The following ABLIM1 variants were observed in gnomAD, a reference collection of about 807,000 sequenced individuals.
ABLIM1 encodes actin-binding LIM protein 1.
ABLIM1 carries 40 observed loss-of-function variants against 107.0 expected under a neutral mutation model. That is an observed-to-expected ratio of 0.37 (90% CI 0.29 to 0.49). ABLIM1 has a LOEUF of 0.49. ABLIM1 is among the 20% of genes least tolerant of loss of function. The pLI, the probability that ABLIM1 is intolerant of heterozygous loss-of-function variation, is 0.97. For synonymous variants in ABLIM1, 357 were observed against 357.3 expected, an observed-to-expected ratio of 1.00 and a Z score of 0.01; for missense variants, 857 against 1,008.5, an observed-to-expected ratio of 0.85 and a Z score of 2.04.
chr10:114,553,134 G>A (rs2068286138), intron 4 of ABLIM1, among the ~76,000 whole-genome samples: 1 of 152,152 alleles, frequency 6.6e-6, no homozygotes, highest in South Asian at 2.1e-4. Flanking sequence ...CCCCAAAGAT[G>A]TCTTACTCTG....
intron 2 of ABLIM1, among the ~76,000 whole-genome samples, chr10:114,596,868 G>A (rs1232710279): frequency 1.3e-5 from 2 of 151,988 alleles, no homozygotes; most frequent in African/African-American, 4.8e-5. Context: ...TTCTTTCTAG[G>A]GGAAATCAAC....
Position 114,632,575 on chromosome 10 carries a change from G to A in ABLIM1, c.244+25382C>T, listed in dbSNP as rs1304941266. 5 of 985,212 alleles carry A rather than the reference G, an allele frequency of 5.1e-6. No individual in the cohort carries two copies. The East Asian group carries it at 3.4e-4, about 67-fold the overall frequency. The allele number at this position is 985,212 out of a possible 1,614,324, so 61.0% of individuals were successfully genotyped here. On this transcript the variant is annotated intron_variant, in intron 1 of 22. Coordinates refer to ENST00000533213, the MANE Select transcript of ABLIM1 (RefSeq NM_002313.7). ...ATGAATAATGACATTTGGTTTGCAC[G>A]GCTGCTCCCCGCTATAATTTACCTG...
At chr10:114,493,033 T>A (rs186378731) in intron 6 of ABLIM1, among the ~76,000 whole-genome samples, 2 of 152,344 alleles carry the variant, frequency 1.3e-5, no homozygotes, top group East Asian at 3.9e-4. Context: ...GGTGCTCTTG[T>A]CCTCGTCCAC....
chr10:114,445,358 T>C lies in ABLIM1; in HGVS notation c.1781A>G (p.Glu594Gly). The C allele has an allele frequency of 6.2e-7, 1 of 1,613,050 alleles. No individual in the cohort carries two copies. Among genetic ancestry groups the C allele is most frequent in the Non-Finnish European group, 8.5e-7 (1 of 1,179,442 alleles). ...RRSSGREEDDEELLRRRQLQE... is the reference protein window; with the variant it reads ...RRSSGREEDDGELLRRRQLQE... ...AAGCTGCCGACGTCTCAGAAGTTCC[T>C]CATCATCTTCCTCTCTGCCACTAGA... The change falls in exon 16 of 23, where the codon GAG becomes GGG. Residue 594 changes from glutamate to glycine, a missense_variant. Physicochemically the swap from Glu to Gly is moderately conservative, Grantham distance 98. Coordinates refer to ENST00000533213, the MANE Select transcript of ABLIM1 (RefSeq NM_002313.7).
At chr10:114,706,653 C>T (rs2081428273) in intron 1 of ABLIM1, among the ~76,000 whole-genome samples, 1 of 152,178 alleles carries the variant, frequency 6.6e-6, no homozygotes, top group Non-Finnish European at 1.5e-5. Flanking sequence ...AGGCTAAAGA[C>T]GTCCACAGCA....
In ABLIM1 at chr10:114,732,184, T is replaced by TCTTTTTC. The variant is rs200382208; in HGVS notation, c.-213+35876_-213+35877insGAAAAAG. ...ATTTTTCTTTTCTTTTCTTTTCTTTTTTTTTTTTTTTTTTTTTGAGACAGA... is the reference window on the plus strand; with the variant it reads ...ATTTTTCTTTTCTTTTCTTTTCTTTTCTTTTTCTTTTTTTTTTTTTTTTTGAGACAGA... On this transcript the variant is annotated intron_variant, in intron 1 of 15. Transcript: ENST00000651092. Among the ~76,000 whole-genome samples the TCTTTTTC allele has an allele frequency of 6.7e-3, 832 of 124,288 alleles. 13 individuals carry two copies. The highest frequency in any genetic ancestry group is 0.028 in the African/African-American group (768 of 27,726). The allele number at this position is 124,288 out of a possible 152,430, so 81.5% of individuals were successfully genotyped here. A position where few individuals can be genotyped will look rare whatever the true frequency, so the allele number is the denominator to read the frequency against.
At chr10:114,632,095 G>A in intron 1 of ABLIM1, 1 of 985,064 alleles carries the variant, frequency 1.0e-6, no homozygotes, top group South Asian at 4.7e-5. Context: ...GGCGGGCCCC[G>A]CTCCCATGCC....
Position 114,443,318 on chromosome 10 carries a change from C to CT in ABLIM1, c.1933+710dup, listed in dbSNP as rs59039279. 4.0e-4 allele frequency among the ~76,000 whole-genome samples: 58 copies of CT among 146,014 alleles called. 1 individual carries two copies. Among genetic ancestry groups the CT allele is most frequent in the Admixed American group, 1.4e-3 (20 of 14,568 alleles). ...AGTTCTTGTATTGAAGATTTTTTTT[C>CT]TTTTTTTTTTTGAGATGGAGTTTCA... On this transcript the variant is annotated intron_variant, in intron 17 of 22. Coordinates refer to ENST00000533213, the MANE Select transcript of ABLIM1 (RefSeq NM_002313.7).
intron 2 of ABLIM1, among the ~76,000 whole-genome samples, chr10:114,576,661 G>A (rs931317272): frequency 6.6e-6 from 1 of 152,112 alleles, no homozygotes; most frequent in East Asian, 1.9e-4. Flanking sequence ...TCTGATGAAA[G>A]TCACGACTCC....
At chr10:114,652,232 C>G (rs2079282047) in intron 1 of ABLIM1, among the ~76,000 whole-genome samples, 1 of 152,212 alleles carries the variant, frequency 6.6e-6, no homozygotes, top group Admixed American at 6.5e-5. Flanking sequence ...TTTTTGACAA[C>G]AAAGCCATTT....
chr10:114,631,535 T>C (rs1211897909), intron 1 of ABLIM1, among the ~76,000 whole-genome samples: 1 of 152,132 alleles, frequency 6.6e-6, no homozygotes, highest in Non-Finnish European at 1.5e-5. Context: ...TGACACATCT[T>C]AATTAACTTA....
chr10:114,651,807 G>A (rs2079259264), intron 1 of ABLIM1, among the ~76,000 whole-genome samples: 2 of 152,172 alleles, frequency 1.3e-5, no homozygotes, highest in South Asian at 4.1e-4. Context: ...TCCATCCTCA[G>A]GAGAACAAAA....
chr10:114,534,230 T>A (rs1368677378), intron 6 of ABLIM1, among the ~76,000 whole-genome samples: 1 of 152,140 alleles, frequency 6.6e-6, no homozygotes, highest in African/African-American at 2.4e-5. Context: ...AGGGTGCTGC[T>A]CTGGGTCCCT....
intron 1 of ABLIM1, among the ~76,000 whole-genome samples, chr10:114,747,298 T>C (rs2082404656): frequency 6.6e-6 from 1 of 152,222 alleles, no homozygotes; most frequent in Non-Finnish European, 1.5e-5. Context: ...TTGAGGAATC[T>C]GGAGGCAGCT....
At chr10:114,514,129 T>C (rs1300171636) in intron 6 of ABLIM1, among the ~76,000 whole-genome samples, 1 of 152,062 alleles carries the variant, frequency 6.6e-6, no homozygotes, top group South Asian at 2.1e-4. Context: ...GCAAACATAA[T>C]TAAGTGAAAT....
chr10:114,497,481 C>A (rs1177355058), intron 6 of ABLIM1, among the ~76,000 whole-genome samples: 1 of 151,540 alleles, frequency 6.6e-6, no homozygotes, highest in East Asian at 1.9e-4. Context: ...AGATCGAGAC[C>A]ATCCTGGTCA....
chr10:114,439,437 T>C (rs2059891488), intron 20 of ABLIM1, among the ~76,000 whole-genome samples, 187 bp from the exon 21 acceptor site: 2 of 152,250 alleles, frequency 1.3e-5, no homozygotes, highest in Admixed American at 1.3e-4. Flanking sequence ...ACAGCTCTTT[T>C]GCAATCAAGT....
intron 1 of ABLIM1, among the ~76,000 whole-genome samples, chr10:114,651,007 CA>C (rs2079215576): frequency 2.0e-5 from 3 of 152,122 alleles, no homozygotes; most frequent in African/African-American, 7.2e-5. Flanking sequence ...GTCACTTGCC[CA>C]GGTCACAGAA....
intron 1 of ABLIM1, among the ~76,000 whole-genome samples, chr10:114,744,880 A>C (rs808326): frequency 0.057 from 8,631 of 151,880 alleles, 317 homozygotes; most frequent in Middle Eastern, 0.095. Context: ...TCGGGTGTCC[A>C]GTTGCTGGCC....
Sources: allele counts gnomAD v4.1 joint callset (sites outside exome capture counted in the v4.1 genomes callset), GRCh38; gene constraint gnomAD v4.1.1; transcripts MANE v1.5; gene names NCBI Gene and HGNC (gene_info 2026-07-23, HGNC 2026-07-21).